Variants in SEMA5A observed in about 807,000 individuals in gnomAD.
SEMA5A encodes semaphorin-5A.
In SEMA5A, 55 loss-of-function variants were observed where a neutral mutation model predicts 135.5. That is an observed-to-expected ratio of 0.41 (90% CI 0.33 to 0.51). SEMA5A has a LOEUF of 0.51. SEMA5A is among the 20% of genes least tolerant of loss of function. The probability of loss-of-function intolerance (pLI) is 0.37; values close to 1 mark genes in which losing one functional copy is unlikely to be tolerated. For synonymous variants in SEMA5A, 580 were observed against 546.5 expected, an observed-to-expected ratio of 1.06 and a Z score of -0.85; for missense variants, 1,290 against 1,419.9, an observed-to-expected ratio of 0.91 and a Z score of 1.47.
chr5:9,224,525 A>G, intron 8 of SEMA5A, 149 bp downstream of exon 8: 1 of 686,188 alleles, frequency 1.5e-6, no homozygotes, highest in Non-Finnish European at 2.5e-6. Flanking sequence ...TATCCTGTTT[A>G]TCATTAGTCC....
chr5:9,481,882 GCA>G (rs1303347386), intron 1 of SEMA5A, among the ~76,000 whole-genome samples: 2 of 152,090 alleles, frequency 1.3e-5, no homozygotes, highest in South Asian at 2.1e-4. Flanking sequence ...GATTTCTTAT[GCA>G]CACACACATC....
At chr5:9,530,172 C>T (rs1240491804) in intron 1 of SEMA5A, among the ~76,000 whole-genome samples, 2 of 152,138 alleles carry the variant, frequency 1.3e-5, no homozygotes, top group African/African-American at 2.4e-5. Context: ...TCCACAGATA[C>T]GTTCCACAAG....
chr5:9,273,544 C>T (rs1321070099), intron 5 of SEMA5A, among the ~76,000 whole-genome samples: 1 of 151,942 alleles, frequency 6.6e-6, no homozygotes, highest in African/African-American at 2.4e-5. Flanking sequence ...ATGTCAGATT[C>T]ACCAAGGTCA....
intron 5 of SEMA5A, among the ~76,000 whole-genome samples, chr5:9,316,687 T>C (rs1278995787): frequency 6.6e-6 from 1 of 152,168 alleles, no homozygotes; most frequent in Non-Finnish European, 1.5e-5. Context: ...ATTATATATA[T>C]TGATAGTGTA....
chr5:9,304,280 T>TA (rs1427870422), intron 5 of SEMA5A, among the ~76,000 whole-genome samples: 3 of 152,190 alleles, frequency 2.0e-5, no homozygotes, highest in East Asian at 1.9e-4. Context: ...GTGATTTGTG[T>TA]AAAAAAATCT....
Position 9,035,354 on chromosome 5 carries a change from T to C in SEMA5A, c.*7543A>G, listed in dbSNP as rs11199. The C allele has an allele frequency of 2.6e-5, 4 of 152,190 alleles. No homozygotes were observed. The highest frequency in any genetic ancestry group is 5.9e-5 in the Non-Finnish European group (4 of 68,032). 9.4% of individuals were successfully genotyped at this position (152,190 alleles called of 1,614,324 possible). A position where few individuals can be genotyped will look rare whatever the true frequency, so the allele number is the denominator to read the frequency against. On this transcript the variant is annotated 3_prime_UTR_variant, in exon 23 of 23. Coordinates refer to ENST00000382496, the MANE Select transcript of SEMA5A (RefSeq NM_003966.3). ...ATATTCACTTCTGTAATAATAGCTA[T>C]ATATTTTTTCTTATAAACGTGTTTG...
At chr5:9,513,947 C>T (rs1009406704) in intron 1 of SEMA5A, among the ~76,000 whole-genome samples, 3 of 152,274 alleles carry the variant, frequency 2.0e-5, no homozygotes, top group East Asian at 3.9e-4. Context: ...TAAAACAACT[C>T]ATATTTATTC....
intron 21 of SEMA5A, among the ~76,000 whole-genome samples, chr5:9,045,066 T>G (rs774723716): frequency 1.3e-5 from 2 of 152,180 alleles, no homozygotes; most frequent in Non-Finnish European, 2.9e-5. Context: ...ATTACAGGTG[T>G]GAGCCACTGT....
At chr5:9,207,102 G>GTGTATATA (rs1405308378) in intron 8 of SEMA5A, among the ~76,000 whole-genome samples, 1 of 97,696 alleles carries the variant, frequency 1.0e-5, no homozygotes. Context: ...ATGATCAAGT[G>GTGTATATA]TATATATATA....
intron 1 of SEMA5A, among the ~76,000 whole-genome samples, chr5:9,506,914 A>C (rs1256373095): frequency 6.6e-6 from 1 of 152,140 alleles, no homozygotes; most frequent in Non-Finnish European, 1.5e-5. Context: ...TTGTGCTGAG[A>C]TAACTTTTAA....
chr5:9,062,822 A>C (rs1228970786), intron 18 of SEMA5A, 65 bp downstream of exon 18: 3 of 1,542,112 alleles, frequency 1.9e-6, no homozygotes, highest in Non-Finnish European at 2.7e-6. Context: ...GAGGCCTGGT[A>C]AATTAGAAGA....
At chr5:9,478,034 C>G (rs534045443) in intron 1 of SEMA5A, among the ~76,000 whole-genome samples, 1 of 152,316 alleles carries the variant, frequency 6.6e-6, no homozygotes, top group Admixed American at 6.5e-5. Flanking sequence ...GTATCCCAGC[C>G]ACTCCAGCTA....
In SEMA5A at chr5:9,357,794, T is replaced by C. The variant is rs1038438718; in HGVS notation, c.125-19982A>G. On this transcript the variant is annotated intron_variant, in intron 3 of 22. Coordinates refer to ENST00000382496, the MANE Select transcript of SEMA5A (RefSeq NM_003966.3). ...AGCCCCATGTGAAGATGAGGGGCCATTGGGATCTTTCACATCTGAAGATAT... is the reference window on the plus strand; with the variant it reads ...AGCCCCATGTGAAGATGAGGGGCCACTGGGATCTTTCACATCTGAAGATAT... Among the ~76,000 whole-genome samples, 10 of 152,282 alleles carry C rather than the reference T, an allele frequency of 6.6e-5. No individual in the cohort carries two copies. The East Asian group carries it at 1.2e-3, about 18-fold the overall frequency.
chr5:9,190,151 CAA>C (rs1336964679), intron 11 of SEMA5A, 114 bp downstream of exon 11: 1 of 1,116,048 alleles, frequency 9.0e-7, no homozygotes, highest in East Asian at 2.6e-5. Context: ...TTGCTGGTTG[CAA>C]AAAGAGACAT....
intron 16 of SEMA5A, among the ~76,000 whole-genome samples, chr5:9,100,089 G>A (rs1739543227): frequency 1.3e-5 from 2 of 152,212 alleles, no homozygotes; most frequent in Admixed American, 6.5e-5. Flanking sequence ...GTGCCATCTG[G>A]CCTAATAATG....
chr5:9,203,671 C>G (rs1366160720), intron 8 of SEMA5A, among the ~76,000 whole-genome samples: 2 of 152,120 alleles, frequency 1.3e-5, no homozygotes, highest in African/African-American at 4.8e-5. Flanking sequence ...AATAAATACT[C>G]TAAATGGTTT....
At chr5:9,328,119 C>T (rs1054012163) in intron 4 of SEMA5A, among the ~76,000 whole-genome samples, 1 of 152,142 alleles carries the variant, frequency 6.6e-6, no homozygotes, top group Non-Finnish European at 1.5e-5. Context: ...AGTCACACTC[C>T]CAAAACTCAC....
At chr5:9,339,195 C>T (rs143481554) in intron 3 of SEMA5A, among the ~76,000 whole-genome samples, 1 of 152,218 alleles carries the variant, frequency 6.6e-6, no homozygotes, top group East Asian at 1.9e-4. Context: ...AAAGAAACAG[C>T]ACTAGTATCT....
chr5:9,221,366 G>C (rs529038504), intron 8 of SEMA5A, among the ~76,000 whole-genome samples: 1 of 141,402 alleles, frequency 7.1e-6, no homozygotes, highest in African/African-American at 2.6e-5. Flanking sequence ...GCAGTGGCGC[G>C]ATCTCGGCTT....
Sources: allele counts gnomAD v4.1 joint callset (sites outside exome capture counted in the v4.1 genomes callset), GRCh38; gene constraint gnomAD v4.1.1; transcripts MANE v1.5; gene names NCBI Gene and HGNC (gene_info 2026-07-23, HGNC 2026-07-21).